SNAI3: variants seen among roughly 807,000 people sequenced by gnomAD.
SNAI3 encodes the protein zinc finger protein SNAI3.
Under a neutral mutation model 16.4 loss-of-function variants are expected in SNAI3, and 21 were observed. The ratio of observed to expected loss-of-function variants is 1.28; its 90% CI spans 0.91 to 1.85. SNAI3 has a LOEUF of 1.85. Ranked by LOEUF, SNAI3 falls within the 40% of genes most tolerant of loss-of-function variation. The probability of loss-of-function intolerance (pLI) is 0.00; values close to 1 mark genes in which losing one functional copy is unlikely to be tolerated. For missense variants in SNAI3, 457 were observed against 372.8 expected (o/e 1.23, Z -1.86); for synonymous variants, 202 against 166.6 (o/e 1.21, Z -1.64).
chr16:88,686,129 G>A (rs1180524405), intron 1 of SNAI3: 3 of 593,986 alleles, frequency 5.1e-6, no homozygotes, highest in African/African-American at 3.8e-5. Flanking sequence ...CCCTGCCGGA[G>A]GCGGGGCTCA....
At position 88,681,546 on chromosome 16, in the gene SNAI3, G is replaced by GC. The variant is rs1050419570; in HGVS notation, c.244dup (p.Ala82GlyfsTer62). ...GACTTCCAAGGCGTCCAGCCCAGAG[G>GC]CCCCCAGAGCTTCCTCGATCCGTGG... On this transcript the variant is annotated frameshift_variant, in exon 2 of 3. Transcript: ENST00000332281. LOFTEE classifies it high-confidence loss of function. This position sits in a 1 kb window ranked among gnomAD's most constrained non-coding sequence, Gnocchi z 5.4. 9.2e-6 allele frequency: 14 copies of GC among 1,513,626 alleles called. No individual in the cohort carries two copies. The African/African-American group carries it at 1.5e-4, about 17-fold the overall frequency. The allele number at this position is 1,513,626 out of a possible 1,614,324, so 93.8% of individuals were successfully genotyped here.
At chr16:88,684,467 C>T (rs145518460) in intron 1 of SNAI3, among the ~76,000 whole-genome samples, 20 of 152,304 alleles carry the variant, frequency 1.3e-4, no homozygotes, top group Admixed American at 3.3e-4. Flanking sequence ...ATTCATGCTG[C>T]GGTCCAGATC....
chr16:88,680,949 T>G, intron 2 of SNAI3, 145 bp downstream of exon 2: 2 of 1,247,706 alleles, frequency 1.6e-6, no homozygotes, highest in Non-Finnish European at 2.2e-6. Flanking sequence ...CTGTGGGACT[T>G]TGTACAGATA....
chr16:88,679,171 C>G, intron 2 of SNAI3: 2 of 888,712 alleles, frequency 2.3e-6, no homozygotes, highest in Non-Finnish European at 2.7e-6. Flanking sequence ...CCTGAGGGGC[C>G]CAGAGCACCT....
chr16:88,684,223 T>G (rs1484049898), intron 1 of SNAI3, among the ~76,000 whole-genome samples: 3 of 152,240 alleles, frequency 2.0e-5, no homozygotes, highest in Admixed American at 1.3e-4. Context: ...TTCCCGGCTT[T>G]GCTGGGGCCT....
Position 88,678,428 on chromosome 16 carries a change from C to T in SNAI3, c.*20G>A, listed in dbSNP as rs910517800. 1 of 754,658 alleles carries T rather than the reference C, an allele frequency of 1.3e-6. No individual in the cohort carries two copies. The highest frequency in any genetic ancestry group is 1.4e-5 in the South Asian group (1 of 72,466). 46.7% of individuals were successfully genotyped at this position (754,658 alleles called of 1,614,324 possible). On this transcript the variant is annotated 3_prime_UTR_variant, in exon 3 of 3. Transcript: ENST00000332281. The stretch of plus-strand genomic sequence containing the variant: ...TCCCGGTGAGGACCATCCCTCCTAC[C>T]TGCGCCGACCACGTGCCTCTCAGGG...
rs1205541268 is a variant in SNAI3, at chr16:88,678,218, G to A, written c.*230C>T. ...GTTCTGATGAAAGCCTTCCCCGGGAGAGGAGTCTCCTCTGAGTGGGCTCCG... is the reference window on the plus strand; with the variant it reads ...GTTCTGATGAAAGCCTTCCCCGGGAAAGGAGTCTCCTCTGAGTGGGCTCCG... On this transcript the variant is annotated 3_prime_UTR_variant, in exon 3 of 3. Transcript: ENST00000332281. 4 of 481,124 alleles carry A rather than the reference G, an allele frequency of 8.3e-6. No individual in the cohort carries two copies. In the Admixed American group the frequency reaches 1.1e-4, roughly 14 times the overall value. 29.8% of individuals were successfully genotyped at this position (481,124 alleles called of 1,614,324 possible).
chr16:88,680,085 C>CA (rs10540733), intron 2 of SNAI3, among the ~76,000 whole-genome samples: 54 of 125,086 alleles, frequency 4.3e-4, no homozygotes, highest in South Asian at 1.0e-3. Flanking sequence ...TGCCTCAGAC[C>CA]AAAAAAAAAA....
chr16:88,677,899 TTGAG>T lies in SNAI3; in HGVS notation c.*545_*548del, dbSNP rs769157779. On this transcript the variant is annotated 3_prime_UTR_variant, in exon 3 of 3. Transcript: ENST00000332281. ...GGGGAGGGCACGTGTGTGTACATGT[TTGAG>T]TGTGTGTGCACATGCACATAGACGT... 2.6e-5 allele frequency: 4 copies of T among 153,262 alleles called. No homozygotes were observed. The highest frequency in any genetic ancestry group is 6.5e-5 in the Admixed American group (1 of 15,366). 9.5% of individuals were successfully genotyped at this position (153,262 alleles called of 1,614,324 possible). A position where few individuals can be genotyped will look rare whatever the true frequency, so the allele number is the denominator to read the frequency against.
intron 1 of SNAI3, among the ~76,000 whole-genome samples, chr16:88,684,559 G>A (rs966255890): frequency 4.6e-5 from 7 of 152,138 alleles, no homozygotes; most frequent in Non-Finnish European, 8.8e-5. Flanking sequence ...GCAGGGGCGC[G>A]ATCGTGGCTC....
In SNAI3 at chr16:88,678,407, G is replaced by A. The variant is rs377653123; in HGVS notation, c.*41C>T. 4.5e-5 allele frequency: 32 copies of A among 718,000 alleles called. No individual in the cohort carries two copies. Among genetic ancestry groups the A allele is most frequent in the Middle Eastern group, 2.6e-4 (1 of 3,890 alleles). The allele number at this position is 718,000 out of a possible 1,614,324, so 44.5% of individuals were successfully genotyped here. A position where few individuals can be genotyped will look rare whatever the true frequency, so the allele number is the denominator to read the frequency against. On this transcript the variant is annotated 3_prime_UTR_variant, in exon 3 of 3. Transcript: ENST00000332281. ...GGGCAGGAGGGACGCCAGCTCTCCCGGTGAGGACCATCCCTCCTACCTGCG... is the reference window on the plus strand; with the variant it reads ...GGGCAGGAGGGACGCCAGCTCTCCCAGTGAGGACCATCCCTCCTACCTGCG...
intron 2 of SNAI3, chr16:88,678,945 G>A (rs1261008433): frequency 1.0e-6 from 1 of 985,290 alleles, no homozygotes; most frequent in Non-Finnish European, 1.2e-6. Flanking sequence ...AGGCAAGTGG[G>A]GGGGTCTGGC....
In SNAI3 at chr16:88,677,753, A is replaced by C. The variant is rs1349855938; in HGVS notation, c.*695T>G. On this transcript the variant is annotated 3_prime_UTR_variant, in exon 3 of 3. Coordinates refer to ENST00000332281, the MANE Select transcript of SNAI3 (RefSeq NM_178310.4). ...GGGAAGCTGAGTGCCCTGAGACCCC[A>C]GCCCCCTGAGGCTCTGACCGGGACA... The C allele has an allele frequency of 6.6e-6, 1 of 152,286 alleles. No individual in the cohort carries two copies. Among genetic ancestry groups the C allele is most frequent in the Non-Finnish European group, 1.5e-5 (1 of 68,072 alleles). 9.4% of individuals were successfully genotyped at this position (152,286 alleles called of 1,614,324 possible).
intron 1 of SNAI3, among the ~76,000 whole-genome samples, chr16:88,682,397 G>T (rs969522671): frequency 1.3e-5 from 2 of 152,240 alleles, no homozygotes; most frequent in Non-Finnish European, 1.5e-5. Context: ...TCCCCAGGAC[G>T]GTGTTTCCTC....
chr16:88,681,374 C>G lies in SNAI3; in HGVS notation c.417G>C (p.Leu139=), dbSNP rs768044222. The change falls in exon 2 of 3, where the codon CTG becomes CTC. Residue 139 remains leucine, a synonymous_variant. Coordinates refer to ENST00000332281, the MANE Select transcript of SNAI3 (RefSeq NM_178310.4). This position sits in a 1 kb window ranked among gnomAD's most constrained non-coding sequence, Gnocchi z 5.4. Reference sequence around the variant, plus strand: ...CTCGGGGCATCCGCTCAGCCCCAAGCAGTTTTTCCGGAGCCCCGTGCCGGT... The same window carrying G: ...CTCGGGGCATCCGCTCAGCCCCAAGGAGTTTTTCCGGAGCCCCGTGCCGGT... The part of the protein sequence containing the change: ...GPDRHGAPEK[L]LGAERMPRAP... 5 of 1,612,660 alleles carry G rather than the reference C, an allele frequency of 3.1e-6. No homozygotes were observed. Among genetic ancestry groups the G allele is most frequent in the Non-Finnish European group, 4.2e-6 (5 of 1,179,426 alleles).
chr16:88,680,502 C>G (rs1242369798), intron 2 of SNAI3, among the ~76,000 whole-genome samples: 1 of 152,024 alleles, frequency 6.6e-6, no homozygotes, highest in Non-Finnish European at 1.5e-5. Context: ...CCAGGCTGGT[C>G]TCAAACTCAT....
At chr16:88,679,198 G>T in intron 2 of SNAI3, 1 of 703,526 alleles carries the variant, frequency 1.4e-6, no homozygotes, top group South Asian at 6.4e-5. Context: ...CTGCTGGTGG[G>T]ACACTGGGCA....
At chr16:88,683,974 A>G (rs943589384) in intron 1 of SNAI3, among the ~76,000 whole-genome samples, 2 of 152,232 alleles carry the variant, frequency 1.3e-5, no homozygotes, top group African/African-American at 2.4e-5. Flanking sequence ...TGAGATGCTC[A>G]CACCCAGTAG....
intron 1 of SNAI3, among the ~76,000 whole-genome samples, chr16:88,683,591 C>G: frequency 9.4e-6 from 1 of 105,962 alleles, no homozygotes; most frequent in Non-Finnish European, 1.8e-5. Flanking sequence ...GAGTCTCACT[C>G]TTGTCGCCCA....
Sources: allele counts gnomAD v4.1 joint callset (sites outside exome capture counted in the v4.1 genomes callset), GRCh38; gene constraint gnomAD v4.1.1; non-coding constraint Gnocchi (gnomAD v3.1); transcripts MANE v1.5; gene names NCBI Gene and HGNC (gene_info 2026-07-23, HGNC 2026-07-21).